Variants in SEPTIN10 observed in about 807,000 individuals in gnomAD.
SEPTIN10 encodes septin-10.
SEPTIN10 carries 66 observed loss-of-function variants against 54.8 expected under a neutral mutation model. The observed-to-expected ratio is 1.21, with a 90% confidence interval of 0.99 to 1.48. The LOEUF (loss-of-function observed/expected upper bound fraction) is 1.48. SEPTIN10 is among the 40% of genes most tolerant of loss of function. The pLI, the probability that SEPTIN10 is intolerant of heterozygous loss-of-function variation, is 0.00. For missense variants in SEPTIN10, 620 were observed against 545.6 expected (o/e 1.14, Z -1.36); for synonymous variants, 161 against 181.0 (o/e 0.89, Z 0.89).
intron 1 of SEPTIN10, among the ~76,000 whole-genome samples, chr2:109,596,138 C>G (rs1695247506): frequency 6.6e-6 from 1 of 152,116 alleles, no homozygotes; most frequent in Non-Finnish European, 1.5e-5. Flanking sequence ...CTCAGGCGAT[C>G]CTCCCACCTC....
chr2:109,564,591 C>A, intron 7 of SEPTIN10, 57 bp from the exon 8 acceptor site: 1 of 1,386,628 alleles, frequency 7.2e-7, no homozygotes, highest in Non-Finnish European at 9.6e-7. Flanking sequence ...TGGCACACAA[C>A]TAAGTGTTTG....
intron 8 of SEPTIN10, among the ~76,000 whole-genome samples, chr2:109,559,661 GAT>G (rs1303342601): frequency 6.6e-6 from 1 of 152,116 alleles, no homozygotes; most frequent in African/African-American, 2.4e-5. Flanking sequence ...TCCCCCATGG[GAT>G]ACAGTCTTGT....
chr2:109,545,485 A>G (rs1329016415), intron 10 of SEPTIN10: 2 of 1,535,996 alleles, frequency 1.3e-6, no homozygotes, highest in African/African-American at 1.4e-5. Context: ...TACGTCCACC[A>G]TTGGTTTCAC....
chr2:109,569,254 C>G (rs984300172), intron 5 of SEPTIN10, among the ~76,000 whole-genome samples: 4 of 151,938 alleles, frequency 2.6e-5, no homozygotes, highest in Non-Finnish European at 4.4e-5. Flanking sequence ...AATGGAGAAA[C>G]CCCATCTCCA....
At chr2:109,604,389 A>AGGGGAGGGG (rs1458364812) in intron 1 of SEPTIN10, among the ~76,000 whole-genome samples, 1 of 26,704 alleles carries the variant, frequency 3.7e-5, no homozygotes, top group Non-Finnish European at 7.2e-5. Flanking sequence ...AGGGAAGGGG[A>AGGGGAGGGG]GGGGCGGGGC....
intron 8 of SEPTIN10, among the ~76,000 whole-genome samples, chr2:109,559,909 G>T (rs973006782): frequency 1.2e-4 from 14 of 115,154 alleles, no homozygotes; most frequent in Non-Finnish European, 2.4e-4. Context: ...TCCAACCAAT[G>T]CCTTTTTTTT....
intron 5 of SEPTIN10, among the ~76,000 whole-genome samples, chr2:109,568,193 G>A (rs905051758): frequency 1.3e-5 from 2 of 151,916 alleles, no homozygotes; most frequent in South Asian, 2.1e-4. Context: ...CTACAGTTGC[G>A]TTCACACTAC....
chr2:109,546,122 G>T lies in SEPTIN10; in HGVS notation c.1277C>A (p.Thr426Asn). Residue 426 changes from threonine to asparagine, a missense_variant, in exon 10 of 11, where the codon ACC becomes AAC. Physicochemically the swap from Thr to Asn is moderately conservative, Grantham distance 65. Coordinates refer to ENST00000397712, the MANE Select transcript of SEPTIN10 (RefSeq NM_144710.5). Reference protein sequence around the residue: ...EIIAFSKKKATSEIFHSQSFL... With the variant: ...EIIAFSKKKANSEIFHSQSFL... ...GGACTGGCTGTGAAATATCTCGGAG[G>T]TAGCTTTCTTTTTAGAGAAAGCAAT... is the stretch of plus-strand genomic sequence containing the variant. 1.9e-6 allele frequency: 3 copies of T among 1,611,354 alleles called. No homozygotes were observed. The highest frequency in any genetic ancestry group is 2.5e-6 in the Non-Finnish European group (3 of 1,178,838).
intron 2 of SEPTIN10, among the ~76,000 whole-genome samples, chr2:109,591,574 G>A (rs1440117892): frequency 1.3e-5 from 2 of 152,186 alleles, no homozygotes; most frequent in African/African-American, 4.8e-5. Context: ...AGTTATTGGA[G>A]CACAGAACTA....
intron 1 of SEPTIN10, among the ~76,000 whole-genome samples, chr2:109,603,754 TTGA>T (rs1325366332): frequency 6.6e-6 from 1 of 152,090 alleles, no homozygotes; most frequent in Non-Finnish European, 1.5e-5. Flanking sequence ...GAGCAGAGAC[TTGA>T]TGAAGAAACA....
At chr2:109,571,145 C>T (rs1030438843) in intron 5 of SEPTIN10, among the ~76,000 whole-genome samples, 1 of 152,168 alleles carries the variant, frequency 6.6e-6, no homozygotes, top group Non-Finnish European at 1.5e-5. Flanking sequence ...TTCCCCTTCG[C>T]CTTCCGCCAT....
chr2:109,602,541 G>A (rs1294172144), intron 1 of SEPTIN10, among the ~76,000 whole-genome samples: 5 of 151,992 alleles, frequency 3.3e-5, no homozygotes, highest in African/African-American at 7.2e-5. Flanking sequence ...TGAGTGTGGT[G>A]GCGCATGCCT....
At chr2:109,589,617 T>C (rs140368132) in intron 2 of SEPTIN10, among the ~76,000 whole-genome samples, 1 of 152,128 alleles carries the variant, frequency 6.6e-6, no homozygotes, top group Non-Finnish European at 1.5e-5. Flanking sequence ...ACATGTCAAG[T>C]GTTGGAGATA....
At chr2:109,587,137 T>C (rs1573699931) in intron 2 of SEPTIN10, among the ~76,000 whole-genome samples, 2 of 152,034 alleles carry the variant, frequency 1.3e-5, no homozygotes, top group Admixed American at 6.6e-5. Context: ...AGGAAAAAGA[T>C]GGATATAATG....
At chr2:109,577,684 GAGA>G (rs1388528348) in intron 4 of SEPTIN10, among the ~76,000 whole-genome samples, 1 of 151,778 alleles carries the variant, frequency 6.6e-6, no homozygotes, top group Non-Finnish European at 1.5e-5. Context: ...AGGCCAAGGT[GAGA>G]AGATCGCTTG....
intron 1 of SEPTIN10, among the ~76,000 whole-genome samples, chr2:109,602,133 A>G (rs1696728989): frequency 1.3e-5 from 2 of 152,210 alleles, no homozygotes; most frequent in South Asian, 4.1e-4. Flanking sequence ...TCAATACTAC[A>G]GAGCTGATTT....
chr2:109,599,768 T>G (rs1025990223), intron 1 of SEPTIN10, among the ~76,000 whole-genome samples: 2 of 152,158 alleles, frequency 1.3e-5, no homozygotes, highest in African/African-American at 4.8e-5. Flanking sequence ...TAACAAAAGC[T>G]TGCACCATAA....
rs554173138 is a variant in SEPTIN10 at position 109,591,510 on chromosome 2, A to C, written c.99+1541T>G. ...TCAAAAAGTCTGTGAGGAAGATGGAATAGACTGTTAGTACCATTGATATAT... is the reference window on the plus strand; with the variant it reads ...TCAAAAAGTCTGTGAGGAAGATGGACTAGACTGTTAGTACCATTGATATAT... On this transcript the variant is annotated intron_variant, in intron 2 of 10. Transcript: ENST00000397712. 3.1e-4 allele frequency among the ~76,000 whole-genome samples: 47 copies of C among 152,350 alleles called. 1 individual carries two copies. In the South Asian group the frequency reaches 9.3e-3, roughly 30 times the overall value.
intron 1 of SEPTIN10, among the ~76,000 whole-genome samples, chr2:109,599,479 A>G (rs1696127801): frequency 6.7e-6 from 1 of 149,610 alleles, no homozygotes; most frequent in Non-Finnish European, 1.5e-5. Context: ...AAAAAAAAAG[A>G]ACTCAAGTGA....
Sources: allele counts gnomAD v4.1 joint callset (sites outside exome capture counted in the v4.1 genomes callset), GRCh38; gene constraint gnomAD v4.1.1; transcripts MANE v1.5; gene names NCBI Gene and HGNC (gene_info 2026-07-23, HGNC 2026-07-21).